PACRG: variants seen among roughly 807,000 people sequenced by gnomAD.
PACRG encodes the protein parkin coregulated, also known as parkin coregulated gene protein.
Under a neutral mutation model 29.7 loss-of-function variants are expected in PACRG, and 29 were observed. The ratio of observed to expected loss-of-function variants is 0.98; its 90% CI spans 0.73 to 1.33. The LOEUF is 1.33. Among genes scored for constraint, PACRG ranks in the 40% most tolerant of loss-of-function variants. The pLI is 0.00. For missense variants in PACRG, 279 were observed against 316.2 expected, an observed-to-expected ratio of 0.88 and a Z score of 0.89; for synonymous variants, 116 against 118.7, an observed-to-expected ratio of 0.98 and a Z score of 0.15.
chr6:162,935,392 C>CTTTTTTTTTT (rs79058842), intron 2 of PACRG, among the ~76,000 whole-genome samples: 13 of 124,020 alleles, frequency 1.0e-4, no homozygotes, highest in Middle Eastern at 4.6e-3. Context: ...CTGTTTTATT[C>CTTTTTTTTTT]TTTTTTTTTT....
intron 4 of PACRG, among the ~76,000 whole-genome samples, chr6:163,163,182 C>A (rs956398431): frequency 5.3e-5 from 8 of 152,196 alleles, no homozygotes; most frequent in Non-Finnish European, 1.0e-4. Context: ...TGGCAGCTCC[C>A]ACCTAGGGGT....
At position 163,315,009 on chromosome 6, in the gene PACRG, G is replaced by C; in HGVS notation, c.*22G>C. On this transcript the variant is annotated 3_prime_UTR_variant, in exon 5 of 5. Coordinates refer to ENST00000366888, the MANE Select transcript of PACRG (RefSeq NM_001080379.2). Reference sequence around the variant, plus strand: ...CTAACAGTGGCAGCAGCTGGGACTTGAAACCTCCCGTTGGTGTTGGGATCA... The same window carrying C: ...CTAACAGTGGCAGCAGCTGGGACTTCAAACCTCCCGTTGGTGTTGGGATCA... 2 of 1,608,628 alleles carry C rather than the reference G, an allele frequency of 1.2e-6. No individual in the cohort carries two copies. The highest frequency in any genetic ancestry group is 1.7e-6 in the Non-Finnish European group (2 of 1,176,300).
At chr6:162,896,244 T>C (rs1795155226) in intron 2 of PACRG, among the ~76,000 whole-genome samples, 1 of 152,192 alleles carries the variant, frequency 6.6e-6, no homozygotes, top group African/African-American at 2.4e-5. Flanking sequence ...CTGACTTCAC[T>C]CCAGCACATT....
rs77730866 is a variant in PACRG, at chr6:163,259,465, C to G, written c.614-55362C>G. On this transcript the variant is annotated intron_variant, in intron 4 of 4. Transcript: ENST00000366888. ...TGTCACCTGCTGACCTCTTCAGCCA[C>G]TGAACCATACTGATTCTAGCATCTG... 4.8e-3 allele frequency among the ~76,000 whole-genome samples: 729 copies of G among 152,292 alleles called. 7 individuals are homozygous for G. Among genetic ancestry groups the G allele is most frequent in the African/African-American group, 0.017 (696 of 41,574 alleles).
rs59683076 is a variant in PACRG, at chr6:162,984,605, T to C, written c.292-77545T>C. Among the ~76,000 whole-genome samples, 1,088 of 152,170 alleles carry C rather than the reference T, an allele frequency of 7.1e-3. 16 individuals are homozygous for C. Among genetic ancestry groups the C allele is most frequent in the African/African-American group, 0.024 (1,016 of 41,544 alleles). On this transcript the variant is annotated intron_variant, in intron 2 of 4. Coordinates refer to ENST00000366888, the MANE Select transcript of PACRG (RefSeq NM_001080379.2). ...TGAGGAATCTCCACACTGTTTTTCA[T>C]AGTGGTTGTACTAGTTTACATTCCC...
intron 4 of PACRG, among the ~76,000 whole-genome samples, chr6:163,237,608 C>T (rs1782304153): frequency 1.3e-5 from 2 of 152,136 alleles, no homozygotes; most frequent in Admixed American, 6.6e-5. Context: ...TTGGAGTTGT[C>T]TCTTTGTCAC....
intron 3 of PACRG, among the ~76,000 whole-genome samples, chr6:163,077,642 T>G (rs761663966): frequency 4.0e-4 from 61 of 152,224 alleles, no homozygotes; most frequent in Non-Finnish European, 6.0e-4. Flanking sequence ...CTTGACATTT[T>G]CCAAGTAAAT....
At chr6:162,937,411 G>A (rs866123559) in intron 2 of PACRG, among the ~76,000 whole-genome samples, 13 of 152,236 alleles carry the variant, frequency 8.5e-5, no homozygotes, top group Middle Eastern at 6.8e-3. Flanking sequence ...AAAACCTGTG[G>A]GATCCCAACA....
chr6:163,197,444 T>TTTCTTTTCTTTTCTTTTCTTTTCTTTTC (rs1562959298), intron 4 of PACRG, among the ~76,000 whole-genome samples: 25 of 120,932 alleles, frequency 2.1e-4, no homozygotes, highest in African/African-American at 8.9e-4. Context: ...CTTTTTTTTT[T>TTTCTTTTCTTTTCTTTTCTTTTCTTTTC]TTTTTTTTTT....
intron 2 of PACRG, among the ~76,000 whole-genome samples, chr6:162,928,359 T>C (rs1797604400): frequency 6.6e-6 from 1 of 152,076 alleles, no homozygotes; most frequent in African/African-American, 2.4e-5. Context: ...TCAGTTGTTA[T>C]GTCTCCTTTT....
At position 162,861,456 on chromosome 6, in the gene PACRG, T is replaced by C. The variant is rs556250254; in HGVS notation, c.291+47175T>C. The stretch of plus-strand genomic sequence containing the variant: ...AGGATAGCAATAATAGGTGCATATA[T>C]AATGTCTTGTATATTCCTCAAATTT... On this transcript the variant is annotated intron_variant, in intron 2 of 4. Transcript: ENST00000366888. Among the ~76,000 whole-genome samples the C allele has an allele frequency of 1.5e-4, 23 of 152,332 alleles. 1 individual carries two copies. In the South Asian group the frequency reaches 4.8e-3, roughly 32 times the overall value.
At chr6:162,978,614 C>G (rs1415369977) in intron 2 of PACRG, among the ~76,000 whole-genome samples, 1 of 152,088 alleles carries the variant, frequency 6.6e-6, no homozygotes, top group Admixed American at 6.5e-5. Context: ...CTTCATATAA[C>G]TCTGTATTGT....
At chr6:163,263,196 G>A (rs570553363) in intron 4 of PACRG, among the ~76,000 whole-genome samples, 2 of 150,356 alleles carry the variant, frequency 1.3e-5, no homozygotes, top group African/African-American at 2.5e-5. Flanking sequence ...CGTTACTTGC[G>A]TCGTCATGCC....
intron 4 of PACRG, among the ~76,000 whole-genome samples, chr6:163,117,902 C>T (rs12204552): frequency 9.2e-5 from 14 of 152,042 alleles, no homozygotes; most frequent in African/African-American, 3.1e-4. Flanking sequence ...GTTGTCTTAC[C>T]TAATGTACAG....
intron 4 of PACRG, among the ~76,000 whole-genome samples, chr6:163,250,266 T>A (rs1033605747): frequency 2.0e-5 from 3 of 152,200 alleles, no homozygotes; most frequent in Non-Finnish European, 2.9e-5. Flanking sequence ...CCATAACCAT[T>A]GAAAAATAGG....
chr6:162,969,072 A>G (rs1456807942), intron 2 of PACRG, among the ~76,000 whole-genome samples: 1 of 151,416 alleles, frequency 6.6e-6, no homozygotes. Flanking sequence ...AAAAAGTAAC[A>G]GACTGGAGTC....
At chr6:163,271,675 C>T (rs1014512038) in intron 4 of PACRG, among the ~76,000 whole-genome samples, 4 of 152,066 alleles carry the variant, frequency 2.6e-5, no homozygotes, top group East Asian at 3.9e-4. Flanking sequence ...TATGTTTGCC[C>T]GCATATTTTA....
intron 3 of PACRG, among the ~76,000 whole-genome samples, chr6:163,074,029 TAAA>T (rs962142864): frequency 6.6e-5 from 10 of 152,030 alleles, no homozygotes; most frequent in Non-Finnish European, 1.2e-4. Context: ...CTCAAAAAAC[TAAA>T]AGAGAGCTGC....
At chr6:162,856,409 C>T (rs762000890) in intron 2 of PACRG, among the ~76,000 whole-genome samples, 1 of 152,066 alleles carries the variant, frequency 6.6e-6, no homozygotes, top group Non-Finnish European at 1.5e-5. Flanking sequence ...GTATTGTTAT[C>T]GGGTACTTTA....
Sources: allele counts gnomAD v4.1 joint callset (sites outside exome capture counted in the v4.1 genomes callset), GRCh38; gene constraint gnomAD v4.1.1; transcripts MANE v1.5; gene names NCBI Gene and HGNC (gene_info 2026-07-23, HGNC 2026-07-21).